SLC39A4: variants seen among roughly 807,000 people sequenced by gnomAD.
SLC39A4 encodes the protein zinc transporter ZIP4.
A neutral mutation model predicts 56.6 loss-of-function variants in SLC39A4; 49 were observed. The ratio of observed to expected loss-of-function variants is 0.87; its 90% confidence interval spans 0.69 to 1.10. The LOEUF (loss-of-function observed/expected upper bound fraction) is 1.10, where lower values mean the gene tolerates loss of function less well. Ranked by LOEUF, SLC39A4 falls within the 50% of genes least tolerant of loss-of-function variation. SLC39A4 has a pLI of 0.00. For synonymous variants in SLC39A4, 540 were observed against 420.4 expected (o/e 1.28, Z -3.48); for missense variants, 993 against 864.2 (o/e 1.15, Z -1.87).
Position 144,413,348 on chromosome 8 carries a change from C to T in SLC39A4, c.1516G>A (p.Val506Met), listed in dbSNP as rs782410840. Residue 506 changes from valine to methionine, a missense_variant, in exon 10 of 12, where the codon GTG (valine) becomes ATG (methionine). Physicochemically the swap from Val to Met is conservative, Grantham distance 21. Coordinates refer to ENST00000301305, the MANE Select transcript of SLC39A4 (RefSeq NM_130849.4). Reference sequence around the variant, plus strand: ...GCCAGCCCGTCGGCGAAGTTGTGCACGGCGTCGCCCAGAGTGATCATATAG... The same window carrying T: ...GCCAGCCCGTCGGCGAAGTTGTGCATGGCGTCGCCCAGAGTGATCATATAG... ...LPYMITLGDA[V>M]HNFADGLAVG... is the part of the protein sequence containing the mutation. 6 of 1,606,838 alleles carry T rather than the reference C, an allele frequency of 3.7e-6. No homozygotes were observed. In the East Asian group the frequency reaches 1.1e-4, roughly 30 times the overall value.
intron 2 of SLC39A4, 46 bp downstream of exon 2, chr8:144,415,764 G>A: frequency 1.3e-6 from 2 of 1,558,334 alleles, no homozygotes; most frequent in Admixed American, 1.8e-5. Context: ...ATGGGCCGTG[G>A]GACCCTCCTC....
rs1271902196 is a variant in SLC39A4, at chr8:144,415,379, C to T, written c.515G>A (p.Gly172Glu). 1.2e-6 allele frequency: 2 copies of T among 1,608,288 alleles called. No homozygotes were observed. The highest frequency in any genetic ancestry group is 1.7e-6 in the Non-Finnish European group (2 of 1,178,082). Residue 172 changes from glycine (G) to glutamate (E), a missense_variant, in exon 3 of 12, where the codon GGG becomes GAG. Coordinates refer to ENST00000301305, the MANE Select transcript of SLC39A4 (RefSeq NM_130849.4). ...DIPQLLEEAVGAGAPGSAGGV... is the reference protein window; with the variant it reads ...DIPQLLEEAVEAGAPGSAGGV... The stretch of plus-strand genomic sequence containing the variant: ...GCCAGCACTGCCCGGAGCCCCCGCC[C>T]CCACCGCCTCCTCCAGCAGCTGAGG...
In SLC39A4 at chr8:144,414,898, TG is replaced by T; in HGVS notation, c.805-3del. 1 of 1,613,120 alleles carries T rather than the reference TG, an allele frequency of 6.2e-7. No individual in the cohort carries two copies. The highest frequency in any genetic ancestry group is 1.1e-5 in the South Asian group (1 of 91,084). On this transcript the variant is annotated splice_region_variant and splice_polypyrimidine_tract_variant and intron_variant, in intron 4 of 11. Coordinates refer to ENST00000301305, the MANE Select transcript of SLC39A4 (RefSeq NM_130849.4). The stretch of plus-strand genomic sequence containing the variant: ...CACGTCCCTGGCACTCAGGCATACC[TG>T]GGGGGTGGCAGGACAGGCTCAGGGG...
chr8:144,412,863 C>A lies in SLC39A4; in HGVS notation c.1711G>T (p.Ala571Ser), dbSNP rs1289562220. ...ACCGCGAGTGCCACGTAGAGACCAGCGAAGGCCGTGAGCGCGGAGGCCAGG... is the reference window on the plus strand; with the variant it reads ...ACCGCGAGTGCCACGTAGAGACCAGAGAAGGCCGTGAGCGCGGAGGCCAGG... The part of the protein sequence containing the change: ...LNLASALTAF[A>S]GLYVALAVGV... The change falls in exon 11 of 12, where the codon GCT (alanine) becomes TCT (serine). Residue 571 changes from alanine to serine, a missense_variant. Physicochemically the swap from Ala to Ser is moderately conservative, Grantham distance 99. Transcript: ENST00000301305. 6.2e-6 allele frequency: 10 copies of A among 1,612,144 alleles called. No homozygotes were observed. Among genetic ancestry groups the A allele is most frequent in the South Asian group, 1.1e-5 (1 of 91,066 alleles).
In SLC39A4 at chr8:144,413,217, C is replaced by T. The variant is rs1821969713; in HGVS notation, c.1627+20G>A. 2.6e-6 allele frequency: 4 copies of T among 1,550,908 alleles called. No individual in the cohort carries two copies. The Admixed American group carries it at 7.7e-5, about 30-fold the overall frequency. On this transcript the variant is annotated intron_variant, in intron 10 of 11. Coordinates refer to ENST00000301305, the MANE Select transcript of SLC39A4 (RefSeq NM_130849.4). ...CCGTGCGGCCCCGCCCATCTCCTTC[C>T]AGGCCCCGCCTGCGCTCACCCAGCT...
rs782212595 is a variant in SLC39A4, at chr8:144,416,785, G to A, written c.5C>T (p.Ala2Val). 7.4e-6 allele frequency: 12 copies of A among 1,611,612 alleles called. No individual in the cohort carries two copies. The highest frequency in any genetic ancestry group is 2.2e-5 in the East Asian group (1 of 44,864). ...CCCCAGCTCCAGCGAGACCAGGGACGCCATACTCAGCTCCCAGCGTGCTCA... is the reference window on the plus strand; with the variant it reads ...CCCCAGCTCCAGCGAGACCAGGGACACCATACTCAGCTCCCAGCGTGCTCA... M[A>V]SLVSLELGLL... The change falls in exon 1 of 12, where the codon GCG becomes GTG. Residue 2 changes from alanine (A) to valine (V), a missense_variant. Ala to Val is a moderately conservative substitution (Grantham distance 64). Coordinates refer to ENST00000301305, the MANE Select transcript of SLC39A4 (RefSeq NM_130849.4).
intron 2 of SLC39A4, 129 bp downstream of exon 2, chr8:144,415,681 G>T (rs1453642670): frequency 4.4e-6 from 6 of 1,364,540 alleles, no homozygotes; most frequent in Non-Finnish European, 4.8e-6. Context: ...TGAATCCCCA[G>T]CCGCAGGCCG....
In SLC39A4 at chr8:144,413,328, C is replaced by T. The variant is rs886062745; in HGVS notation, c.1536G>A (p.Gly512=). The change falls in exon 10 of 12, where the codon GGG becomes GGA. Residue 512 remains glycine, a synonymous_variant. Transcript: ENST00000301305. The part of the protein sequence containing the change: ...LGDAVHNFAD[G]LAVGAAFASS... Reference sequence around the variant, plus strand: ...ACGCGAAGGCGGCGCCCACGGCCAGCCCGTCGGCGAAGTTGTGCACGGCGT... The same window carrying T: ...ACGCGAAGGCGGCGCCCACGGCCAGTCCGTCGGCGAAGTTGTGCACGGCGT... 1 of 1,605,402 alleles carries T rather than the reference C, an allele frequency of 6.2e-7. No individual in the cohort carries two copies. Among genetic ancestry groups the T allele is most frequent in the East Asian group, 2.2e-5 (1 of 44,812 alleles).
rs781826015 is a variant in SLC39A4 at position 144,414,804 on chromosome 8, G to A, written c.897C>T (p.Ala299=). Residue 299 remains alanine (A), a synonymous_variant, in exon 5 of 12, where the codon GCC becomes GCT. Coordinates refer to ENST00000301305, the MANE Select transcript of SLC39A4 (RefSeq NM_130849.4). ...TPEAWAQLSP[A]LLQQQLSGAC... ...CTCCACTCAGCTGCTGTTGGAGCAGGGCAGGGCTCAGTTGGGCCCAGGCCT... is the reference window on the plus strand; with the variant it reads ...CTCCACTCAGCTGCTGTTGGAGCAGAGCAGGGCTCAGTTGGGCCCAGGCCT... The A allele has an allele frequency of 1.2e-6, 2 of 1,613,196 alleles. No individual in the cohort carries two copies. The highest frequency in any genetic ancestry group is 8.5e-7 in the Non-Finnish European group (1 of 1,179,998).
At position 144,412,745 on chromosome 8, in the gene SLC39A4, C is replaced by G; in HGVS notation, c.1815+14G>C. On this transcript the variant is annotated intron_variant, in intron 11 of 11. Coordinates refer to ENST00000301305, the MANE Select transcript of SLC39A4 (RefSeq NM_130849.4). ...CTCCCGGCCCAGAGCAGCCCCTCCC[C>G]TCGCCATCCTGACCATGTCGCAGAG... 6.2e-7 allele frequency: 1 copy of G among 1,613,298 alleles called. No homozygotes were observed. Among genetic ancestry groups the G allele is most frequent in the Non-Finnish European group, 8.5e-7 (1 of 1,179,934 alleles).
intron 8 of SLC39A4, 44 bp from the exon 9 acceptor site, chr8:144,413,611 A>G: frequency 6.5e-7 from 1 of 1,548,396 alleles, no homozygotes; most frequent in Non-Finnish European, 8.7e-7. Context: ...GTGGAGGAGG[A>G]ACGCGGTGGG....
intron 2 of SLC39A4, 48 bp from the exon 3 acceptor site, chr8:144,415,467 C>T (rs1564710448): frequency 1.9e-6 from 3 of 1,542,964 alleles, no homozygotes; most frequent in Non-Finnish European, 2.6e-6. Flanking sequence ...GACCTTCTGC[C>T]ATCCACCCCG....
In SLC39A4 at chr8:144,414,833, G is replaced by A. The variant is rs782589146; in HGVS notation, c.868C>T (p.Pro290Ser). 2 of 1,613,124 alleles carry A rather than the reference G, an allele frequency of 1.2e-6. No homozygotes were observed. The highest frequency in any genetic ancestry group is 8.5e-7 in the Non-Finnish European group (1 of 1,179,958). The change falls in exon 5 of 12, where the codon CCG becomes TCG. Residue 290 changes from proline to serine, a missense_variant. Transcript: ENST00000301305. The stretch of plus-strand genomic sequence containing the variant: ...GGGCTCAGTTGGGCCCAGGCCTCCG[G>A]GGTCACCCCAGCCTGTTCCGACAGT... ...YGLSEQAGVTPEAWAQLSPAL... is the reference protein window; with the variant it reads ...YGLSEQAGVTSEAWAQLSPAL...
In SLC39A4 at chr8:144,412,498, G is replaced by T. The variant is rs782794733; in HGVS notation, c.*40C>A. 7 of 1,613,940 alleles carry T rather than the reference G, an allele frequency of 4.3e-6. No individual in the cohort carries two copies. The South Asian group carries it at 7.7e-5, about 18-fold the overall frequency. On this transcript the variant is annotated 3_prime_UTR_variant, in exon 12 of 12. Coordinates refer to ENST00000301305, the MANE Select transcript of SLC39A4 (RefSeq NM_130849.4). ...TTTCTGGGCTGTAGGTTTGTGAGGT[G>T]TGGGATCTTAAGTCAAAGGTGGGGG...
At chr8:144,416,510 T>C in intron 1 of SLC39A4, 88 bp downstream of exon 1, 1 of 1,507,114 alleles carries the variant, frequency 6.6e-7, no homozygotes, top group East Asian at 2.5e-5. Flanking sequence ...CCTCCTGGAG[T>C]TTGCCCAGGG....
rs112013288 is a variant in SLC39A4, at chr8:144,414,120, G to C, written c.1150-25C>G. 2,130 of 1,554,814 alleles carry C rather than the reference G, an allele frequency of 1.4e-3. 24 individuals are homozygous for C. In the African/African-American group the frequency reaches 0.024, roughly 18 times the overall value. On this transcript the variant is annotated intron_variant, in intron 6 of 11. Coordinates refer to ENST00000301305, the MANE Select transcript of SLC39A4 (RefSeq NM_130849.4). ...CCTGGGGAGTAGGGGCGCTGGGCTGGGGGGGAGGTCCCAGGGCGCCTCCCA... is the reference window on the plus strand; with the variant it reads ...CCTGGGGAGTAGGGGCGCTGGGCTGCGGGGGAGGTCCCAGGGCGCCTCCCA...
intron 1 of SLC39A4, 154 bp downstream of exon 1, chr8:144,416,444 G>A: frequency 2.1e-6 from 3 of 1,452,550 alleles, no homozygotes; most frequent in East Asian, 5.0e-5. Context: ...CAGGAGGGTG[G>A]GCTCTGGCCT....
rs1586649568 is a variant in SLC39A4 at position 144,413,279 on chromosome 8, T to G, written c.1585A>C (p.Thr529Pro). The G allele has an allele frequency of 6.3e-7, 1 of 1,597,622 alleles. No individual in the cohort carries two copies. Among genetic ancestry groups the G allele is most frequent in the Non-Finnish European group, 8.5e-7 (1 of 1,176,418 alleles). Residue 529 changes from threonine to proline, a missense_variant, in exon 10 of 12, where the codon ACC (threonine) becomes CCC (proline). Transcript: ENST00000301305. ...TCGTGGCAGAACACGGCCAGCGAGG[T>G]GGCCAGCCCGGTCTTCCAGGAGGAC... ...FASSWKTGLATSLAVFCHELP... is the reference protein window; with the variant it reads ...FASSWKTGLAPSLAVFCHELP...
rs370387758 is a variant in SLC39A4 at position 144,415,384 on chromosome 8, C to T, written c.510G>A (p.Ala170=). The change falls in exon 3 of 12, where the codon GCG becomes GCA. Residue 170 remains alanine (A), a synonymous_variant. Coordinates refer to ENST00000301305, the MANE Select transcript of SLC39A4 (RefSeq NM_130849.4). ...CACTGCCCGGAGCCCCCGCCCCCACCGCCTCCTCCAGCAGCTGAGGGATAT... is the reference window on the plus strand; with the variant it reads ...CACTGCCCGGAGCCCCCGCCCCCACTGCCTCCTCCAGCAGCTGAGGGATAT... The part of the protein sequence containing the change: ...CVDIPQLLEE[A]VGAGAPGSAG... The T allele has an allele frequency of 4.4e-5, 70 of 1,607,802 alleles. No individual in the cohort carries two copies. The highest frequency in any genetic ancestry group is 5.5e-5 in the Non-Finnish European group (65 of 1,177,834).
Sources: allele counts gnomAD v4.1 joint callset, GRCh38; gene constraint gnomAD v4.1.1; transcripts MANE v1.5; gene names NCBI Gene and HGNC (gene_info 2026-07-23, HGNC 2026-07-21).